Variants in ROBO2 observed in about 807,000 individuals in gnomAD.
ROBO2 encodes roundabout homolog 2.
Under a neutral mutation model 160.8 loss-of-function variants are expected in ROBO2, and 53 were observed. The observed-to-expected ratio is 0.33, with a 90% CI of 0.26 to 0.41. The LOEUF (loss-of-function observed/expected upper bound fraction) is 0.41, where lower values mean the gene tolerates loss of function less well. ROBO2 is among the 10% of genes least tolerant of loss of function. The probability of loss-of-function intolerance (pLI) is 1.00; values close to 1 mark genes in which losing one functional copy is unlikely to be tolerated. For synonymous variants in ROBO2, 664 were observed against 611.7 expected (o/e 1.09, Z -1.26); for missense variants, 1,577 against 1,722.4 (o/e 0.92, Z 1.49).
intron 2 of ROBO2, among the ~76,000 whole-genome samples, chr3:77,214,950 C>T (rs1401830741): frequency 1.3e-5 from 2 of 151,174 alleles, no homozygotes; most frequent in Non-Finnish European, 3.0e-5. Flanking sequence ...GAGAGATCAG[C>T]TGTTAGTCTG....
At chr3:76,586,128 T>C (rs898573687) in intron 2 of ROBO2, among the ~76,000 whole-genome samples, 1 of 152,160 alleles carries the variant, frequency 6.6e-6, no homozygotes, top group African/African-American at 2.4e-5. Context: ...TTTGTTAAAG[T>C]TTTCAGGATA....
intron 2 of ROBO2, among the ~76,000 whole-genome samples, chr3:76,319,619 TC>T (rs2072342604): frequency 6.6e-3 from 2 of 304 alleles, no homozygotes; most frequent in East Asian, 0.2. Flanking sequence ...CAAACCAAAA[TC>T]TCAATTTCTC....
intron 5 of ROBO2, among the ~76,000 whole-genome samples, chr3:77,503,754 TA>T (rs1415829364): frequency 6.6e-6 from 1 of 152,014 alleles, no homozygotes; most frequent in Non-Finnish European, 1.5e-5. Context: ...TTCATTTTTT[TA>T]AAACTATGTA....
At chr3:77,181,879 A>G (rs1429836288) in intron 2 of ROBO2, among the ~76,000 whole-genome samples, 1 of 152,132 alleles carries the variant, frequency 6.6e-6, no homozygotes, top group East Asian at 1.9e-4. Flanking sequence ...TGATTCAGTC[A>G]GCCATTACAT....
intron 2 of ROBO2, among the ~76,000 whole-genome samples, chr3:77,250,909 C>G (rs1580375842): frequency 6.6e-6 from 1 of 152,136 alleles, no homozygotes; most frequent in East Asian, 1.9e-4. Context: ...TCTGAAAGAT[C>G]CTACTTCCCA....
chr3:77,207,552 G>A (rs748844835), intron 2 of ROBO2, among the ~76,000 whole-genome samples: 49 of 152,182 alleles, frequency 3.2e-4, no homozygotes, highest in Non-Finnish European at 5.9e-4. Flanking sequence ...CATAAGTGGA[G>A]TCATAACATC....
intron 2 of ROBO2, among the ~76,000 whole-genome samples, chr3:77,292,867 G>A (rs532531787): frequency 8.1e-5 from 12 of 148,982 alleles, no homozygotes; most frequent in Middle Eastern, 3.9e-3. Context: ...GATCACTAAA[G>A]ACATAAAGTA....
intron 2 of ROBO2, among the ~76,000 whole-genome samples, chr3:77,431,823 A>T (rs2078804582): frequency 6.6e-6 from 1 of 152,140 alleles, no homozygotes; most frequent in African/African-American, 2.4e-5. Flanking sequence ...TTCAAATCCC[A>T]GGAAAGTCTA....
At chr3:76,582,215 A>T (rs1282000972) in intron 2 of ROBO2, among the ~76,000 whole-genome samples, 1 of 152,228 alleles carries the variant, frequency 6.6e-6, no homozygotes, top group Non-Finnish European at 1.5e-5. Flanking sequence ...ATCTCCTTTA[A>T]AAATGATTCT....
intron 2 of ROBO2, among the ~76,000 whole-genome samples, chr3:76,173,424 G>A (rs2073116267): frequency 6.6e-6 from 1 of 151,904 alleles, no homozygotes; most frequent in Non-Finnish European, 1.5e-5. Flanking sequence ...ATGTGCCATG[G>A]TGGTTTGGTT....
intron 2 of ROBO2, among the ~76,000 whole-genome samples, chr3:76,702,348 G>A (rs1057179336): frequency 6.6e-6 from 1 of 152,018 alleles, no homozygotes; most frequent in African/African-American, 2.4e-5. Context: ...AATTGTTTAA[G>A]CATTGAAGAG....
chr3:77,644,719 C>T, exon 25 of ROBO2: 1 of 1,613,852 alleles, frequency 6.2e-7, no homozygotes, highest in Non-Finnish European at 8.5e-7. Context: ...GCCTTGGTGC[C>T]CTATAGCAAG....
At chr3:76,678,689 G>T (rs2092476850) in intron 2 of ROBO2, among the ~76,000 whole-genome samples, 1 of 152,126 alleles carries the variant, frequency 6.6e-6, no homozygotes, top group African/African-American at 2.4e-5. Context: ...GTGGATGTCA[G>T]TGCAGTGCTC....
intron 1 of ROBO2, among the ~76,000 whole-genome samples, chr3:77,056,163 C>T (rs750388748): frequency 9.9e-5 from 15 of 152,126 alleles, no homozygotes; most frequent in Non-Finnish European, 1.5e-4. Flanking sequence ...CCTCAGAATA[C>T]GAGGAAGGGA....
At chr3:77,288,424 G>A (rs1048984044) in intron 2 of ROBO2, among the ~76,000 whole-genome samples, 2 of 152,140 alleles carry the variant, frequency 1.3e-5, no homozygotes, top group Non-Finnish European at 2.9e-5. Context: ...TGTTTTTCTG[G>A]ACATGTAGCT....
intron 2 of ROBO2, among the ~76,000 whole-genome samples, chr3:76,782,092 G>C (rs1427047423): frequency 6.6e-6 from 1 of 150,478 alleles, no homozygotes; most frequent in Non-Finnish European, 1.5e-5. Flanking sequence ...AGTCTTGGTA[G>C]ATTGTAAGTT....
chr3:76,182,587 C>T (rs1259105575), intron 2 of ROBO2, among the ~76,000 whole-genome samples: 3 of 152,086 alleles, frequency 2.0e-5, no homozygotes, highest in East Asian at 1.9e-4. Flanking sequence ...AGCAAATGCT[C>T]TACAAGTTGA....
intron 2 of ROBO2, among the ~76,000 whole-genome samples, chr3:77,179,084 C>T (rs1410699434): frequency 6.6e-6 from 1 of 151,756 alleles, no homozygotes; most frequent in Non-Finnish European, 1.5e-5. Flanking sequence ...CAGCTAGCTA[C>T]AAAATATTGC....
intron 2 of ROBO2, among the ~76,000 whole-genome samples, chr3:77,433,870 C>T (rs753495322): frequency 1.3e-5 from 2 of 151,982 alleles, no homozygotes; most frequent in African/African-American, 4.8e-5. Context: ...TCCCTTATCC[C>T]CTGGATCAAA....
Sources: gnomAD v4.1 joint callset for allele counts (sites outside exome capture counted in the v4.1 genomes callset) on GRCh38, gnomAD v4.1.1 for gene constraint, MANE v1.5 for transcripts, NCBI Gene and HGNC (gene_info 2026-07-23, HGNC 2026-07-21) for gene names.